The following SEPTIN9 variants were observed in gnomAD, a reference collection of about 807,000 sequenced individuals.
SEPTIN9 encodes septin 9.
A neutral mutation model predicts 56.6 loss-of-function variants in SEPTIN9; 13 were observed. The observed-to-expected ratio is 0.23, with a 90% confidence interval of 0.15 to 0.37. SEPTIN9 has a LOEUF of 0.37. Ranked by LOEUF, SEPTIN9 falls within the 10% of genes least tolerant of loss-of-function variation. The pLI, the probability that SEPTIN9 is intolerant of heterozygous loss-of-function variation, is 1.00. For synonymous variants in SEPTIN9, 332 were observed against 334.1 expected, an observed-to-expected ratio of 0.99 and a Z score of 0.07; for missense variants, 650 against 823.1, an observed-to-expected ratio of 0.79 and a Z score of 2.57.
rs2039229594 is a variant in SEPTIN9 at position 77,476,747 on chromosome 17, C to T, written c.722-5397C>T. On this transcript the variant is annotated intron_variant, in intron 3 of 11. Coordinates refer to ENST00000427177, the MANE Select transcript of SEPTIN9 (RefSeq NM_001113491.2). The surrounding 1 kb of genome is among the most constrained non-coding windows in gnomAD (Gnocchi z 6.0). ...AAGGTCTCCCGCCACCTGACACCTC[C>T]GCCTGGCTGCCACCCTAGAAACACC... 2.0e-5 allele frequency among the ~76,000 whole-genome samples: 3 copies of T among 152,172 alleles called. No individual in the cohort carries two copies. Among genetic ancestry groups the T allele is most frequent in the South Asian group, 4.1e-4 (2 of 4,830 alleles).
chr17:77,482,792 C>A, intron 4 of SEPTIN9: 1 of 555,464 alleles, frequency 1.8e-6, no homozygotes, highest in South Asian at 2.4e-5. Context: ...GTGGCTTCCA[C>A]ACCCCCTGGT....
intron 3 of SEPTIN9, among the ~76,000 whole-genome samples, chr17:77,410,576 G>A (rs558706974): frequency 1.3e-5 from 2 of 152,230 alleles, no homozygotes; most frequent in Admixed American, 6.5e-5. Flanking sequence ...CTGGGCTGCC[G>A]CCCCTGCCCT....
At chr17:77,294,560 A>C (rs538435345) in intron 1 of SEPTIN9, 1 of 168,310 alleles carries the variant, frequency 5.9e-6, no homozygotes, top group Non-Finnish European at 1.3e-5. Flanking sequence ...TTCAAGATAC[A>C]CAGGAATTCT....
At chr17:77,324,972 C>T (rs2033078234) in intron 2 of SEPTIN9, among the ~76,000 whole-genome samples, 1 of 152,008 alleles carries the variant, frequency 6.6e-6, no homozygotes, top group African/African-American at 2.4e-5. Context: ...GCACCCGCCA[C>T]CACACCCAGC....
At chr17:77,346,901 A>G (rs1251660270) in intron 2 of SEPTIN9, among the ~76,000 whole-genome samples, 1 of 152,206 alleles carries the variant, frequency 6.6e-6, no homozygotes, top group Non-Finnish European at 1.5e-5. Context: ...CCCTTCTGCC[A>G]TGTGGGGACA....
rs557678021 is a variant in SEPTIN9 at position 77,498,491 on chromosome 17, C to T, written c.1626-32C>T. 2.1e-4 allele frequency: 146 copies of T among 708,274 alleles called. No individual in the cohort carries two copies. In the African/African-American group the frequency reaches 2.5e-3, roughly 12 times the overall value. The allele number at this position is 708,274 out of a possible 1,614,324, so 43.9% of individuals were successfully genotyped here. On this transcript the variant is annotated intron_variant, in intron 11 of 11. Coordinates refer to ENST00000427177, the MANE Select transcript of SEPTIN9 (RefSeq NM_001113491.2). ...GCTGCCCCCACCCCGCTGCGCCCAC[C>T]TCACTGACCCGCCCGCCCCCCACCC...
At chr17:77,299,054 T>G (rs888501547) in intron 1 of SEPTIN9, among the ~76,000 whole-genome samples, 5 of 152,228 alleles carry the variant, frequency 3.3e-5, no homozygotes, top group Non-Finnish European at 7.3e-5. Context: ...TCCCAGCCAT[T>G]GGCTTCGGAT....
At chr17:77,465,364 A>T (rs1293162765) in intron 3 of SEPTIN9, among the ~76,000 whole-genome samples, 1 of 152,200 alleles carries the variant, frequency 6.6e-6, no homozygotes, top group Non-Finnish European at 1.5e-5. Flanking sequence ...TTGCAAGATC[A>T]TGTGGTTTAG....
At chr17:77,312,632 T>C (rs1305085932) in intron 2 of SEPTIN9, among the ~76,000 whole-genome samples, 30 of 152,148 alleles carry the variant, frequency 2.0e-4, no homozygotes, top group Admixed American at 2.0e-3. Context: ...TCAGGAAATA[T>C]TGCTGGACTG....
At chr17:77,468,559 A>G (rs1018564817) in intron 3 of SEPTIN9, among the ~76,000 whole-genome samples, 9 of 152,250 alleles carry the variant, frequency 5.9e-5, no homozygotes, top group Non-Finnish European at 8.8e-5. Flanking sequence ...TTTGATCCCC[A>G]GCATTCTTAT....
intron 3 of SEPTIN9, chr17:77,444,890 A>C: frequency 2.9e-6 from 1 of 345,460 alleles, no homozygotes; most frequent in Non-Finnish European, 5.9e-6. Context: ...TCAGACAGGG[A>C]GAAAGTTCAC....
At chr17:77,372,981 G>A (rs2034769632) in intron 2 of SEPTIN9, among the ~76,000 whole-genome samples, 2 of 152,312 alleles carry the variant, frequency 1.3e-5, no homozygotes, top group South Asian at 4.1e-4. Context: ...CCCGGGGAAG[G>A]GGAGGAATCT....
chr17:77,436,651 G>T lies in SEPTIN9; in HGVS notation c.721+33948G>T, dbSNP rs137995170. On this transcript the variant is annotated intron_variant, in intron 3 of 11. Coordinates refer to ENST00000427177, the MANE Select transcript of SEPTIN9 (RefSeq NM_001113491.2). This position sits in a 1 kb window ranked among gnomAD's most constrained non-coding sequence, Gnocchi z 4.4. ...GGGAGTGACCTGGCCCCTGGCCCCG[G>T]CCACCTACACCTCCTGTTTTGCTGC... 9.2e-5 allele frequency among the ~76,000 whole-genome samples: 14 copies of T among 152,348 alleles called. 1 individual carries two copies. The East Asian group carries it at 2.7e-3, about 29-fold the overall frequency.
At position 77,310,965 on chromosome 17, in the gene SEPTIN9, C is replaced by T. The variant is rs1021735559; in HGVS notation, c.76+3768C>T. Among the ~76,000 whole-genome samples the T allele has an allele frequency of 1.3e-5, 2 of 152,142 alleles. No homozygotes were observed. Among genetic ancestry groups the T allele is most frequent in the Admixed American group, 1.3e-4 (2 of 15,284 alleles). Reference sequence around the variant, plus strand: ...TTCTGTCCTAGGTTGAACCGTGTCCCCCACAAACTCATGTCCACCAAAAAC... The same window carrying T: ...TTCTGTCCTAGGTTGAACCGTGTCCTCCACAAACTCATGTCCACCAAAAAC... On this transcript the variant is annotated intron_variant, in intron 2 of 11. Transcript: ENST00000427177. The surrounding 1 kb of genome is among the most constrained non-coding windows in gnomAD (Gnocchi z 4.7).
intron 3 of SEPTIN9, among the ~76,000 whole-genome samples, chr17:77,455,093 C>T (rs1424278035): frequency 1.3e-5 from 2 of 151,204 alleles, no homozygotes; most frequent in Non-Finnish European, 2.9e-5. Context: ...ACACTAAATG[C>T]GATTTGTCAA....
intron 1 of SEPTIN9, among the ~76,000 whole-genome samples, chr17:77,305,994 TGGTG>T (rs1254907047): frequency 3.0e-4 from 3 of 10,068 alleles, no homozygotes; most frequent in Admixed American, 1.2e-3. Flanking sequence ...GTGAATGGAT[TGGTG>T]GGTGGGTGGG....
intron 2 of SEPTIN9, chr17:77,397,155 C>T (rs896887728): frequency 5.8e-5 from 9 of 154,880 alleles, no homozygotes; most frequent in South Asian, 2.0e-4. Context: ...AAGATTGATT[C>T]GCTCATGGTT....
At chr17:77,290,783 C>G (rs1467189452) in intron 1 of SEPTIN9, among the ~76,000 whole-genome samples, 1 of 149,548 alleles carries the variant, frequency 6.7e-6, no homozygotes, top group Non-Finnish European at 1.5e-5. Flanking sequence ...CCAGTGCACT[C>G]CAGCCTGGGC....
At chr17:77,392,331 G>A (rs2035568617) in intron 2 of SEPTIN9, among the ~76,000 whole-genome samples, 1 of 152,158 alleles carries the variant, frequency 6.6e-6, no homozygotes, top group Non-Finnish European at 1.5e-5. Context: ...CCATCAGAGT[G>A]GCCTCCTGTG....
Sources: gnomAD v4.1 joint callset for allele counts (sites outside exome capture counted in the v4.1 genomes callset) on GRCh38, gnomAD v4.1.1 for gene constraint, Gnocchi (gnomAD v3.1) non-coding constraint, MANE v1.5 for transcripts, NCBI Gene and HGNC (gene_info 2026-07-23, HGNC 2026-07-21) for gene names.